Variants in COL8A1 observed in about 807,000 individuals in gnomAD.
The protein encoded by COL8A1 is collagen type VIII alpha 1 chain, also known as collagen alpha-1(VIII) chain.
A neutral mutation model predicts 42.7 loss-of-function variants in COL8A1; 21 were observed. The observed-to-expected ratio is 0.49, with a 90% CI of 0.35 to 0.71. COL8A1 has a LOEUF of 0.71. Ranked by LOEUF, COL8A1 falls within the 30% of genes least tolerant of loss-of-function variation. The pLI is 0.01. For synonymous variants in COL8A1, 367 were observed against 369.1 expected, an observed-to-expected ratio of 0.99 and a Z score of 0.06; for missense variants, 788 against 962.4, an observed-to-expected ratio of 0.82 and a Z score of 2.40.
chr3:99,750,049 CTT>C (rs1176042144), intron 2 of COL8A1, among the ~76,000 whole-genome samples: 138 of 65,952 alleles, frequency 2.1e-3, no homozygotes, highest in African/African-American at 6.3e-3. Flanking sequence ...TTTTTTTCTT[CTT>C]TTTTTTTTTT....
intron 1 of COL8A1, chr3:99,685,675 A>T (rs774068606): frequency 6.6e-6 from 1 of 152,140 alleles, no homozygotes; most frequent in Non-Finnish European, 1.5e-5. Context: ...TTTGTTTTCA[A>T]TCCATACATA....
intron 2 of COL8A1, among the ~76,000 whole-genome samples, chr3:99,767,133 C>T (rs974829172): frequency 1.3e-5 from 2 of 152,208 alleles, no homozygotes; most frequent in African/African-American, 4.8e-5. Context: ...CTGAAATACT[C>T]TGTGGTTCAT....
At chr3:99,737,996 C>G (rs1322407483) in intron 1 of COL8A1, among the ~76,000 whole-genome samples, 2 of 151,830 alleles carry the variant, frequency 1.3e-5, no homozygotes, top group African/African-American at 2.4e-5. Context: ...TTGCTGATAC[C>G]CTTTCTTCCA....
chr3:99,695,786 T>C (rs1939350101), intron 1 of COL8A1, among the ~76,000 whole-genome samples: 1 of 152,204 alleles, frequency 6.6e-6, no homozygotes, highest in South Asian at 2.1e-4. Flanking sequence ...TCGTTATATC[T>C]AGAATACTTG....
In COL8A1 at chr3:99,796,487, GCACT is replaced by G. The variant is rs772195295; in HGVS notation, c.*358_*361del. ...TATGAAAGATCATAGCTAATGAAAG[GCACT>G]CACTCATATTGTTTACTTTAAAATA... On this transcript the variant is annotated 3_prime_UTR_variant, in exon 4 of 4. Transcript: ENST00000652472. The G allele has an allele frequency of 5.0e-5, 9 of 178,280 alleles. No individual in the cohort carries two copies. Among genetic ancestry groups the G allele is most frequent in the Non-Finnish European group, 9.3e-5 (8 of 85,918 alleles). 11.0% of individuals were successfully genotyped at this position (178,280 alleles called of 1,614,324 possible). A position where few individuals can be genotyped will look rare whatever the true frequency, so the allele number is the denominator to read the frequency against.
At chr3:99,757,102 C>T (rs149160611) in intron 2 of COL8A1, among the ~76,000 whole-genome samples, 3 of 152,028 alleles carry the variant, frequency 2.0e-5, no homozygotes, top group Admixed American at 1.3e-4. Flanking sequence ...TAGAACTGCA[C>T]CTGGCAAATA....
intron 1 of COL8A1, among the ~76,000 whole-genome samples, chr3:99,659,251 T>C (rs977249179): frequency 2.0e-5 from 3 of 152,126 alleles, no homozygotes; most frequent in African/African-American, 4.8e-5. Context: ...ACCTTAGAAG[T>C]TTCAACAAGG....
intron 1 of COL8A1, among the ~76,000 whole-genome samples, chr3:99,722,488 C>T (rs1348194311): frequency 6.6e-6 from 1 of 152,060 alleles, no homozygotes; most frequent in Non-Finnish European, 1.5e-5. Context: ...AGTTATGCCT[C>T]AGTAAAACAA....
At chr3:99,693,982 A>G (rs1939296077) in intron 1 of COL8A1, among the ~76,000 whole-genome samples, 1 of 152,204 alleles carries the variant, frequency 6.6e-6, no homozygotes, top group Non-Finnish European at 1.5e-5. Context: ...CTGTGTTACA[A>G]TTGCCAACAG....
At chr3:99,731,107 G>T (rs1404626509) in intron 1 of COL8A1, among the ~76,000 whole-genome samples, 1 of 152,088 alleles carries the variant, frequency 6.6e-6, no homozygotes, top group Non-Finnish European at 1.5e-5. Context: ...TCCTGCTTTG[G>T]AGTAGTTGGG....
At position 99,796,090 on chromosome 3, in the gene COL8A1, A is replaced by G. The variant is rs1942103881; in HGVS notation, c.2189A>G (p.Gln730Arg). Reference sequence around the variant, plus strand: ...CAGGCTGCAGGACTGTATGCCGGGCAGTATGTCCACTCCTCCTTTTCAGGA... The same window carrying G: ...CAGGCTGCAGGACTGTATGCCGGGCGGTATGTCCACTCCTCCTTTTCAGGA... ...SEQAAGLYAG[Q>R]YVHSSFSGYL... The change falls in exon 4 of 4, where the codon CAG becomes CGG. Residue 730 changes from glutamine (Q) to arginine (R), a missense_variant. By Grantham distance (43) the Gln-to-Arg change is conservative (BLOSUM62 1). This residue lies in a region of COL8A1 where 212 missense variants were observed against 210.9 expected (regional missense o/e 1.00). Coordinates refer to ENST00000652472, the MANE Select transcript of COL8A1 (RefSeq NM_020351.4). 6.3e-7 allele frequency: 1 copy of G among 1,575,776 alleles called. No homozygotes were observed. Among genetic ancestry groups the G allele is most frequent in the Non-Finnish European group, 8.6e-7 (1 of 1,157,476 alleles).
At chr3:99,672,214 G>A (rs142487413) in intron 1 of COL8A1, among the ~76,000 whole-genome samples, 6 of 152,086 alleles carry the variant, frequency 3.9e-5, no homozygotes, top group East Asian at 1.9e-4. Context: ...AAAAGCTATC[G>A]AAAAGAGAGG....
At chr3:99,681,477 A>T (rs1938880811) in intron 1 of COL8A1, among the ~76,000 whole-genome samples, 1 of 152,244 alleles carries the variant, frequency 6.6e-6, no homozygotes, top group Non-Finnish European at 1.5e-5. Context: ...GGAATTAAAA[A>T]AAAGATTTAT....
At chr3:99,695,425 T>C (rs7615279) in intron 1 of COL8A1, among the ~76,000 whole-genome samples, 1 of 152,212 alleles carries the variant, frequency 6.6e-6, no homozygotes, top group East Asian at 1.9e-4. Flanking sequence ...GTTTTTTGTA[T>C]CAAAAAATTC....
intron 1 of COL8A1, among the ~76,000 whole-genome samples, chr3:99,646,174 G>T (rs1026190987): frequency 6.6e-6 from 1 of 152,082 alleles, no homozygotes; most frequent in Non-Finnish European, 1.5e-5. Context: ...TGAGACACTT[G>T]CATAATTCAG....
At chr3:99,724,471 A>ACC (rs1940245094) in intron 1 of COL8A1, among the ~76,000 whole-genome samples, 2 of 152,110 alleles carry the variant, frequency 1.3e-5, no homozygotes. Flanking sequence ...CCAGGCTGTT[A>ACC]AATCTCAGAC....
chr3:99,760,505 AAAAG>A (rs1941346962), intron 2 of COL8A1, among the ~76,000 whole-genome samples: 1 of 152,208 alleles, frequency 6.6e-6, no homozygotes, highest in Admixed American at 6.5e-5. Context: ...AGAATATTTT[AAAAG>A]ATAGATAGGA....
intron 1 of COL8A1, among the ~76,000 whole-genome samples, chr3:99,729,596 T>G (rs1000776600): frequency 6.6e-6 from 1 of 152,092 alleles, no homozygotes; most frequent in Non-Finnish European, 1.5e-5. Context: ...TCTCTTCTAA[T>G]TTATCATGAT....
intron 2 of COL8A1, among the ~76,000 whole-genome samples, chr3:99,763,292 T>A (rs1941398285): frequency 6.6e-6 from 1 of 152,192 alleles, no homozygotes; most frequent in South Asian, 2.1e-4. Flanking sequence ...TTGTCATAAA[T>A]TTCTTTAGAA....
Sources: gnomAD v4.1 joint callset for allele counts (sites outside exome capture counted in the v4.1 genomes callset) on GRCh38, gnomAD v4.1.1 for gene constraint, gnomAD v4.1.1 regional missense constraint, MANE v1.5 for transcripts, NCBI Gene and HGNC (gene_info 2026-07-23, HGNC 2026-07-21) for gene names.